PDE3B: variants seen among roughly 807,000 people sequenced by gnomAD.
PDE3B encodes cGMP-inhibited 3',5'-cyclic phosphodiesterase 3B.
In PDE3B, 66 loss-of-function variants were observed where a neutral mutation model predicts 116.8. The ratio of observed to expected loss-of-function variants is 0.56; its 90% confidence interval spans 0.46 to 0.69. The LOEUF is 0.69. PDE3B is among the 30% of genes least tolerant of loss of function. PDE3B has a pLI of 0.00. For synonymous variants in PDE3B, 595 were observed against 533.6 expected (o/e 1.12, Z -1.59); for missense variants, 1,384 against 1,368.1 (o/e 1.01, Z -0.18).
chr11:14,709,922 T>G (rs1855652972), intron 1 of PDE3B, among the ~76,000 whole-genome samples: 1 of 152,226 alleles, frequency 6.6e-6, no homozygotes, highest in South Asian at 2.1e-4. Flanking sequence ...CTATTCATGG[T>G]TTCACAGATA....
rs376203661 is a variant in PDE3B, at chr11:14,644,701, C to T, written c.626C>T (p.Thr209Met). 46 of 1,520,042 alleles carry T rather than the reference C, an allele frequency of 3.0e-5. No individual in the cohort carries two copies. The highest frequency in any genetic ancestry group is 5.5e-5 in the African/African-American group (4 of 72,748). The allele number at this position is 1,520,042 out of a possible 1,614,324, so 94.2% of individuals were successfully genotyped here. ...LVLSCVGLLL[T>M]LAHPLRLRHC... Reference sequence around the variant, plus strand: ...CTGAGCTGCGTAGGGCTGCTGCTGACGCTCGCGCACCCGCTGCGGCTCCGG... The same window carrying T: ...CTGAGCTGCGTAGGGCTGCTGCTGATGCTCGCGCACCCGCTGCGGCTCCGG... The change falls in exon 1 of 16, where the codon ACG becomes ATG. Residue 209 changes from threonine to methionine, a missense_variant. Thr to Met is a moderately conservative substitution (Grantham distance 81). Coordinates refer to ENST00000282096, the MANE Select transcript of PDE3B (RefSeq NM_000922.4).
At position 14,859,105 on chromosome 11, in the gene PDE3B, A is replaced by G. The variant is rs573748717; in HGVS notation, c.2583A>G (p.Leu861=). ...ATCATGCTGCGTCAGCTTGGAATCTATATCTTTCTCGCCCAGAATACAACT... is the reference window on the plus strand; with the variant it reads ...ATCATGCTGCGTCAGCTTGGAATCTGTATCTTTCTCGCCCAGAATACAACT... The part of the protein sequence containing the change: ...ENHHAASAWN[L]YLSRPEYNFL... The change falls in exon 13 of 16, where the codon CTA becomes CTG. Residue 861 remains leucine (L), a synonymous_variant. Transcript: ENST00000282096. 10 of 1,613,622 alleles carry G rather than the reference A, an allele frequency of 6.2e-6. No homozygotes were observed. The highest frequency in any genetic ancestry group is 4.4e-5 in the South Asian group (4 of 91,052).
At chr11:14,886,156 A>AC in the PDE3B span, 3 of 523,164 alleles carry the variant, frequency 5.7e-6, no homozygotes, top group Non-Finnish European at 6.9e-6. Context: ...CAGTATAATG[A>AC]AAAGGGTACT....
At chr11:14,645,796 A>G (rs999088448) in intron 1 of PDE3B, among the ~76,000 whole-genome samples, 1 of 152,158 alleles carries the variant, frequency 6.6e-6, no homozygotes, top group East Asian at 1.9e-4. Flanking sequence ...AAGGGATTGA[A>G]ATCATTAGCA....
In PDE3B at chr11:14,644,118, C is replaced by A. The variant is rs770424413; in HGVS notation, c.43C>A (p.Gln15Lys). The part of the protein sequence containing the change: ...ERDAKAMRSL[Q>K]PPDGAGSPPE... ...AGACGCCAAAGCCATGCGGTCCCTG[C>A]AGCCGCCGGATGGGGCCGGCTCGCC... Residue 15 changes from glutamine to lysine, a missense_variant, in exon 1 of 16, where the codon CAG becomes AAG. Gln to Lys is a moderately conservative substitution (Grantham distance 53, BLOSUM62 1). Around this residue, in one of 2 missense-constraint regions of PDE3B, gnomAD observed 956 missense variants for 806.8 expected, o/e 1.18. Transcript: ENST00000282096. 1.9e-6 allele frequency: 3 copies of A among 1,579,236 alleles called. No homozygotes were observed. Among genetic ancestry groups the A allele is most frequent in the Non-Finnish European group, 2.6e-6 (3 of 1,171,670 alleles).
At chr11:14,879,110 T>C in the PDE3B span, 1 of 1,612,222 alleles carries the variant, frequency 6.2e-7, no homozygotes, top group Non-Finnish European at 8.5e-7. Flanking sequence ...GAAAGTTCTC[T>C]TACCTAGGGA....
chr11:14,714,014 C>CTAG (rs1223009342), intron 1 of PDE3B, among the ~76,000 whole-genome samples: 1 of 152,082 alleles, frequency 6.6e-6, no homozygotes, highest in African/African-American at 2.4e-5. Flanking sequence ...CACAACCTGG[C>CTAG]TAGTACTTGG....
intron 7 of PDE3B, among the ~76,000 whole-genome samples, chr11:14,829,112 A>G (rs1859793431): frequency 6.6e-6 from 1 of 152,222 alleles, no homozygotes; most frequent in East Asian, 1.9e-4. Flanking sequence ...ATGAGAACAC[A>G]TGGGCACATA....
At chr11:14,662,719 T>A (rs1428631837) in intron 1 of PDE3B, among the ~76,000 whole-genome samples, 1 of 152,096 alleles carries the variant, frequency 6.6e-6, no homozygotes, top group African/African-American at 2.4e-5. Context: ...TGATGGAAGA[T>A]GAAATGAATG....
At chr11:14,888,756 C>T in the PDE3B span, among the ~76,000 whole-genome samples, 1 of 152,150 alleles carries the variant, frequency 6.6e-6, no homozygotes, top group Non-Finnish European at 1.5e-5. Flanking sequence ...TACACAGAAT[C>T]TCATTCAGTG....
At chr11:14,648,672 T>C (rs561798497) in intron 1 of PDE3B, among the ~76,000 whole-genome samples, 20 of 152,296 alleles carry the variant, frequency 1.3e-4, no homozygotes, top group African/African-American at 4.3e-4. Flanking sequence ...AAATCTCTTA[T>C]GGCTTTTCAT....
chr11:14,819,239 GT>G, intron 7 of PDE3B, 30 bp downstream of exon 7: 2 of 1,344,020 alleles, frequency 1.5e-6, no homozygotes, highest in Non-Finnish European at 1.1e-6. Flanking sequence ...ATGTATTTGA[GT>G]TTAAGAGAAA....
At chr11:14,781,868 A>G (rs1168327495) in intron 2 of PDE3B, among the ~76,000 whole-genome samples, 1 of 152,170 alleles carries the variant, frequency 6.6e-6, no homozygotes, top group Non-Finnish European at 1.5e-5. Context: ...GAGGAAGTCA[A>G]ATTGTCCCTG....
intron 1 of PDE3B, among the ~76,000 whole-genome samples, chr11:14,696,931 T>G (rs770285067): frequency 2.9e-4 from 44 of 152,130 alleles, no homozygotes; most frequent in Non-Finnish European, 4.9e-4. Context: ...AGAAGTTTTA[T>G]AGATTTATCT....
chr11:14,831,543 T>A (rs1479321146), intron 8 of PDE3B, 97 bp from the exon 9 acceptor site: 2 of 689,104 alleles, frequency 2.9e-6, no homozygotes, highest in Non-Finnish European at 4.4e-6. Context: ...TAGTACTGAC[T>A]TTTTTAAATG....
chr11:14,644,494 A>C lies in PDE3B; in HGVS notation c.419A>C (p.Lys140Thr). 1 of 1,612,106 alleles carries C rather than the reference A, an allele frequency of 6.2e-7. No homozygotes were observed. The highest frequency in any genetic ancestry group is 8.5e-7 in the Non-Finnish European group (1 of 1,179,228). Residue 140 changes from lysine to threonine, a missense_variant, in exon 1 of 16, where the codon AAG becomes ACG. Transcript: ENST00000282096. The part of the protein sequence containing the change: ...FFLTCFLTRT[K>T]RGPGPGRSCG... ...CTCACCTGCTTCCTCACCCGGACCA[A>C]GCGGGGACCCGGCCCGGGCCGGAGC... is the stretch of plus-strand genomic sequence containing the variant.
chr11:14,883,777 C>A, the PDE3B span, among the ~76,000 whole-genome samples: 1 of 152,036 alleles, frequency 6.6e-6, no homozygotes, highest in Non-Finnish European at 1.5e-5. Context: ...ATTTTTGCAA[C>A]CTACTCATCT....
At chr11:14,770,390 T>C (rs1469932389) in intron 1 of PDE3B, among the ~76,000 whole-genome samples, 1 of 151,448 alleles carries the variant, frequency 6.6e-6, no homozygotes, top group Non-Finnish European at 1.5e-5. Flanking sequence ...CAGTTGGGTC[T>C]AAAAAGCCAT....
intron 2 of PDE3B, among the ~76,000 whole-genome samples, chr11:14,782,487 C>A (rs1858040854): frequency 1.3e-5 from 2 of 152,128 alleles, no homozygotes; most frequent in South Asian, 4.1e-4. Context: ...TTTGACAAAC[C>A]TGATAAAAAC....
Sources: gnomAD v4.1 joint callset for allele counts (sites outside exome capture counted in the v4.1 genomes callset) on GRCh38, gnomAD v4.1.1 for gene constraint, gnomAD v4.1.1 regional missense constraint, MANE v1.5 for transcripts, NCBI Gene and HGNC (gene_info 2026-07-23, HGNC 2026-07-21) for gene names.